The following PLD1 variants were observed in gnomAD, a reference collection of about 807,000 sequenced individuals.
PLD1 encodes choline phosphatase 1.
In PLD1, 112 loss-of-function variants were observed where a neutral mutation model predicts 137.1. The ratio of observed to expected loss-of-function variants is 0.82; its 90% confidence interval spans 0.70 to 0.96. The LOEUF (loss-of-function observed/expected upper bound fraction) is 0.96, where lower values mean the gene tolerates loss of function less well. Ranked by LOEUF, PLD1 falls within the 40% of genes least tolerant of loss-of-function variation. PLD1 has a pLI of 0.00. For missense variants in PLD1, 1,321 were observed against 1,342.0 expected, an observed-to-expected ratio of 0.98 and a Z score of 0.24; for synonymous variants, 431 against 454.7, an observed-to-expected ratio of 0.95 and a Z score of 0.66.
intron 1 of PLD1, among the ~76,000 whole-genome samples, chr3:171,806,340 T>A (rs1464167000): frequency 2.0e-5 from 3 of 152,242 alleles, no homozygotes; most frequent in African/African-American, 7.2e-5. Flanking sequence ...GATTTTACAC[T>A]GCACTGTGAA....
intron 1 of PLD1, among the ~76,000 whole-genome samples, chr3:171,807,196 C>G (rs1413464891): frequency 6.6e-6 from 1 of 152,072 alleles, no homozygotes; most frequent in Non-Finnish European, 1.5e-5. Flanking sequence ...CTAGTTCCAG[C>G]TACTCAGAAA....
At chr3:171,695,172 T>C (rs1000605988) in intron 12 of PLD1, among the ~76,000 whole-genome samples, 8 of 152,198 alleles carry the variant, frequency 5.3e-5, no homozygotes, top group South Asian at 2.1e-4. Context: ...CAGGTTGTTA[T>C]AGTGTAGGCT....
Position 171,764,871 on chromosome 3 carries a change from GAAAGAAAGAAAGAAAGAAAGA to G in PLD1, c.-31-26810_-31-26790del, listed in dbSNP as rs1560288270. Reference sequence around the variant, plus strand: ...AGAAAGAAAGAAAGAAAGAAAGAAAGAAAGAAAGAAAGAAAGAAAGAAAGGAAGGAAGGAAGGAAGGAAAGA... The same window carrying G: ...AGAAAGAAAGAAAGAAAGAAAGAAAGAAGGAAGGAAGGAAGGAAGGAAAGA... On this transcript the variant is annotated intron_variant, in intron 1 of 26. Transcript: ENST00000351298. Among the ~76,000 whole-genome samples the G allele has an allele frequency of 9.3e-4, 32 of 34,462 alleles. 5 individuals carry two copies. The highest frequency in any genetic ancestry group is 4.8e-3 in the South Asian group (7 of 1,464). 22.6% of individuals were successfully genotyped at this position (34,462 alleles called of 152,430 possible). A position where few individuals can be genotyped will look rare whatever the true frequency, so the allele number is the denominator to read the frequency against.
At chr3:171,646,912 C>G (rs1736272468) in intron 21 of PLD1, among the ~76,000 whole-genome samples, 1 of 152,168 alleles carries the variant, frequency 6.6e-6, no homozygotes, top group African/African-American at 2.4e-5. Flanking sequence ...TAAAGCTTGG[C>G]TCATCAGCCT....
chr3:171,753,164 C>T (rs1451409945), intron 1 of PLD1, among the ~76,000 whole-genome samples: 1 of 152,216 alleles, frequency 6.6e-6, no homozygotes, highest in Non-Finnish European at 1.5e-5. Context: ...AGACTCTGCT[C>T]AGTGGGTGTG....
chr3:171,751,450 A>C (rs1720651580), intron 1 of PLD1, among the ~76,000 whole-genome samples: 1 of 152,230 alleles, frequency 6.6e-6, no homozygotes, highest in Non-Finnish European at 1.5e-5. Flanking sequence ...TCCTATAAAA[A>C]CATAAGAAAA....
chr3:171,783,778 G>A (rs1042696613), intron 1 of PLD1, among the ~76,000 whole-genome samples: 1 of 152,044 alleles, frequency 6.6e-6, no homozygotes, highest in Non-Finnish European at 1.5e-5. Flanking sequence ...GAGTAGCTGG[G>A]ACTACAGGCA....
chr3:171,792,380 G>C (rs896870373), intron 1 of PLD1: 14 of 356,498 alleles, frequency 3.9e-5, no homozygotes, highest in African/African-American at 1.3e-4. Flanking sequence ...CATATACTAA[G>C]AGTAGTGGGG....
intron 8 of PLD1, among the ~76,000 whole-genome samples, chr3:171,715,107 A>C (rs1717571205): frequency 6.6e-6 from 1 of 152,230 alleles, no homozygotes; most frequent in African/African-American, 2.4e-5. Flanking sequence ...GCAAACACAG[A>C]AATTATACAT....
intron 1 of PLD1, among the ~76,000 whole-genome samples, chr3:171,747,024 A>C (rs1720266496): frequency 2.0e-5 from 3 of 152,082 alleles, no homozygotes; most frequent in Admixed American, 2.0e-4. Context: ...CCACGAACCC[A>C]CCCGGAGAAA....
chr3:171,659,078 C>G, intron 21 of PLD1, 135 bp downstream of exon 21: 1 of 670,930 alleles, frequency 1.5e-6, no homozygotes, highest in South Asian at 1.8e-5. Flanking sequence ...CTAAAGGCAT[C>G]AATAACCTAT....
chr3:171,737,091 T>A (rs1719418536), intron 3 of PLD1, among the ~76,000 whole-genome samples: 2 of 152,208 alleles, frequency 1.3e-5, no homozygotes, highest in Non-Finnish European at 2.9e-5. Context: ...GTATCCCGGC[T>A]TTTTTTCTTA....
At chr3:171,719,786 T>A (rs1044770072) in intron 8 of PLD1, among the ~76,000 whole-genome samples, 3 of 152,224 alleles carry the variant, frequency 2.0e-5, no homozygotes, top group African/African-American at 7.2e-5. Flanking sequence ...TGTTTTAGAT[T>A]GTAGGATCTC....
intron 16 of PLD1, among the ~76,000 whole-genome samples, chr3:171,680,278 G>A (rs1481453714): frequency 8.2e-6 from 1 of 121,800 alleles, no homozygotes; most frequent in Non-Finnish European, 1.6e-5. Flanking sequence ...TGAGACTGGA[G>A]TGCAGTGGCA....
intron 1 of PLD1, among the ~76,000 whole-genome samples, chr3:171,773,504 A>C (rs1437352254): frequency 6.6e-6 from 1 of 152,056 alleles, no homozygotes; most frequent in Non-Finnish European, 1.5e-5. Flanking sequence ...CAGGAGGCTG[A>C]GGCAGGAGAA....
At chr3:171,705,358 C>T (rs1482030020) in intron 11 of PLD1, among the ~76,000 whole-genome samples, 2 of 152,058 alleles carry the variant, frequency 1.3e-5, no homozygotes, top group Non-Finnish European at 2.9e-5. Flanking sequence ...CTGCTGAAAA[C>T]TAAAGACAGA....
intron 23 of PLD1, among the ~76,000 whole-genome samples, chr3:171,639,859 T>TATATAC (rs1479510323): frequency 4.8e-5 from 7 of 145,498 alleles, no homozygotes; most frequent in African/African-American, 1.8e-4. Context: ...TATATATATA[T>TATATAC]ATATATCTCC....
intron 1 of PLD1, chr3:171,792,967 C>T: frequency 3.4e-6 from 1 of 295,410 alleles, no homozygotes; most frequent in Admixed American, 5.1e-5. Flanking sequence ...TGAGACAATG[C>T]CAAGATACCA....
intron 8 of PLD1, among the ~76,000 whole-genome samples, chr3:171,722,457 C>A (rs951968716): frequency 1.3e-5 from 2 of 152,076 alleles, no homozygotes; most frequent in East Asian, 3.8e-4. Flanking sequence ...AAACCCCATA[C>A]CAGTATCAAA....
Sources: allele counts gnomAD v4.1 joint callset (sites outside exome capture counted in the v4.1 genomes callset), GRCh38; gene constraint gnomAD v4.1.1; transcripts MANE v1.5; gene names NCBI Gene and HGNC (gene_info 2026-07-23, HGNC 2026-07-21).